The following TMEM117 variants were observed in gnomAD, a reference collection of about 807,000 sequenced individuals.
TMEM117 encodes transmembrane protein 117.
TMEM117 carries 27 observed loss-of-function variants against 52.4 expected under a neutral mutation model. The observed-to-expected ratio is 0.51, with a 90% CI of 0.38 to 0.71. The LOEUF (loss-of-function observed/expected upper bound fraction) is 0.71, where lower values mean the gene tolerates loss of function less well. Among genes scored for constraint, TMEM117 ranks in the 30% least tolerant of loss-of-function variants. TMEM117 has a pLI of 0.00. For missense variants in TMEM117, 556 were observed against 630.5 expected (o/e 0.88, Z 1.26); for synonymous variants, 215 against 206.3 (o/e 1.04, Z -0.36).
At chr12:44,330,947 T>C (rs1951262092) in intron 6 of TMEM117, among the ~76,000 whole-genome samples, 1 of 152,094 alleles carries the variant, frequency 6.6e-6, no homozygotes, top group Non-Finnish European at 1.5e-5. Flanking sequence ...TACATTTTAA[T>C]TTAAAACTGA....
intron 5 of TMEM117, among the ~76,000 whole-genome samples, chr12:44,218,173 G>C (rs1375422680): frequency 6.6e-6 from 1 of 151,718 alleles, no homozygotes; most frequent in Non-Finnish European, 1.5e-5. Flanking sequence ...GCAGTGAGCC[G>C]AGATTGCACC....
intron 7 of TMEM117, among the ~76,000 whole-genome samples, chr12:44,380,652 GGTT>G (rs1158005167): frequency 6.6e-6 from 1 of 152,142 alleles, no homozygotes; most frequent in Non-Finnish European, 1.5e-5. Context: ...TATCCCATAG[GGTT>G]GTTGTGAGAA....
At chr12:43,815,707 C>T in the TMEM117 span, among the ~76,000 whole-genome samples, 2 of 152,202 alleles carry the variant, frequency 1.3e-5, no homozygotes, top group African/African-American at 2.4e-5. Context: ...TGCCTTTTCA[C>T]GTATGCTGGA....
upstream of TMEM117, among the ~76,000 whole-genome samples, chr12:43,832,071 T>C (rs966642450): frequency 2.0e-5 from 3 of 151,896 alleles, no homozygotes; most frequent in Non-Finnish European, 2.9e-5. Flanking sequence ...AGAAATGGAG[T>C]TGTTTGGGCT....
At chr12:43,800,578 T>C in the TMEM117 span, 1 of 1,435,910 alleles carries the variant, frequency 7.0e-7, no homozygotes, top group South Asian at 1.2e-5. Context: ...AAACATAACA[T>C]TACAAAAGCA....
chr12:43,936,388 C>G (rs1026357749), intron 2 of TMEM117, among the ~76,000 whole-genome samples: 3 of 151,998 alleles, frequency 2.0e-5, no homozygotes, highest in African/African-American at 4.8e-5. Flanking sequence ...GGGATTTTGG[C>G]TTTGTTTTTG....
intron 3 of TMEM117, among the ~76,000 whole-genome samples, chr12:43,956,738 G>C (rs1266870218): frequency 6.6e-6 from 1 of 152,208 alleles, no homozygotes; most frequent in Non-Finnish European, 1.5e-5. Context: ...GTGGAAGACA[G>C]TGTGGTGATT....
At chr12:44,005,202 T>C (rs1000862594) in intron 3 of TMEM117, among the ~76,000 whole-genome samples, 2 of 152,224 alleles carry the variant, frequency 1.3e-5, no homozygotes, top group Non-Finnish European at 2.9e-5. Context: ...AAAAAATACC[T>C]GAAGACCTCT....
intron 5 of TMEM117, among the ~76,000 whole-genome samples, chr12:44,234,178 T>C (rs143977078): frequency 1.3e-4 from 20 of 151,598 alleles, no homozygotes; most frequent in Non-Finnish European, 2.8e-4. Context: ...AAAATAGTTA[T>C]TGATTTCTTG....
rs150733671 is a variant in TMEM117, at chr12:43,995,747, A to C, written c.410+51405A>C. ...GATCTGTGGAATACTGAATGCTCAG[A>C]TATCACAGGCTACAAGAAAACAGAC... On this transcript the variant is annotated intron_variant, in intron 3 of 7. Transcript: ENST00000266534. Among the ~76,000 whole-genome samples, 1,273 of 152,328 alleles carry C rather than the reference A, an allele frequency of 8.4e-3. 14 individuals carry two copies. The highest frequency in any genetic ancestry group is 0.029 in the African/African-American group (1,209 of 41,564).
intron 2 of TMEM117, among the ~76,000 whole-genome samples, chr12:43,857,106 T>C (rs886356564): frequency 2.6e-5 from 4 of 152,212 alleles, no homozygotes; most frequent in African/African-American, 9.6e-5. Flanking sequence ...CTTCATTAGT[T>C]TGCAGTGCAG....
chr12:44,024,652 T>A (rs1946504443), intron 3 of TMEM117, among the ~76,000 whole-genome samples: 1 of 148,486 alleles, frequency 6.7e-6, no homozygotes, highest in Non-Finnish European at 1.5e-5. Context: ...GGAGAGAGAG[T>A]AGGAAAACAG....
intron 3 of TMEM117, among the ~76,000 whole-genome samples, chr12:43,973,035 A>G (rs568975751): frequency 2.6e-5 from 4 of 152,362 alleles, no homozygotes; most frequent in South Asian, 4.1e-4. Flanking sequence ...CATAATATGA[A>G]GTAATTTGAT....
intron 2 of TMEM117, among the ~76,000 whole-genome samples, chr12:43,884,473 C>T (rs1943955829): frequency 6.6e-6 from 1 of 152,058 alleles, no homozygotes; most frequent in African/African-American, 2.4e-5. Context: ...CTAGCATTTC[C>T]AGAAATCTAT....
intron 3 of TMEM117, among the ~76,000 whole-genome samples, chr12:44,093,499 A>T (rs1947708306): frequency 6.6e-6 from 1 of 152,176 alleles, no homozygotes; most frequent in Non-Finnish European, 1.5e-5. Flanking sequence ...ACATTGGCAC[A>T]AACCTCACAG....
intron 3 of TMEM117, among the ~76,000 whole-genome samples, chr12:44,134,842 T>A (rs1445071050): frequency 6.6e-6 from 1 of 151,966 alleles, no homozygotes; most frequent in Non-Finnish European, 1.5e-5. Flanking sequence ...TGACGTTAGC[T>A]CAAGAACAAA....
At chr12:44,227,002 G>T (rs1345706596) in intron 5 of TMEM117, among the ~76,000 whole-genome samples, 1 of 151,838 alleles carries the variant, frequency 6.6e-6, no homozygotes, top group Non-Finnish European at 1.5e-5. Flanking sequence ...TTTAAATAAG[G>T]AGTCAAGAAA....
rs556684583 is a variant in TMEM117, at chr12:44,108,190, AATTT to A, written c.411-35314_411-35311del. ...CCTGTTCCACTAATCACTTGTACCAAATTTATTTATTTATTTATTTATTTTTTAT... is the reference window on the plus strand; with the variant it reads ...CCTGTTCCACTAATCACTTGTACCAAATTTATTTATTTATTTATTTTTTAT... On this transcript the variant is annotated intron_variant, in intron 3 of 7. Coordinates refer to ENST00000266534, the MANE Select transcript of TMEM117 (RefSeq NM_032256.3). 2.5e-4 allele frequency among the ~76,000 whole-genome samples: 38 copies of A among 151,820 alleles called. 1 individual carries two copies. The highest frequency in any genetic ancestry group is 6.6e-4 in the Admixed American group (10 of 15,248).
intron 6 of TMEM117, among the ~76,000 whole-genome samples, chr12:44,344,239 A>G (rs1257165160): frequency 1.3e-5 from 2 of 152,146 alleles, no homozygotes; most frequent in Non-Finnish European, 2.9e-5. Flanking sequence ...GAGTCATCAT[A>G]TGTTTTTATA....
Sources: allele counts gnomAD v4.1 joint callset (sites outside exome capture counted in the v4.1 genomes callset), GRCh38; gene constraint gnomAD v4.1.1; transcripts MANE v1.5; gene names NCBI Gene and HGNC (gene_info 2026-07-23, HGNC 2026-07-21).